Variants in NTS observed in about 807,000 individuals in gnomAD.
NTS encodes the protein neurotensin, also known as neurotensin/neuromedin N.
NTS carries 20 observed loss-of-function variants against 19.5 expected under a neutral mutation model. The observed-to-expected ratio is 1.02, with a 90% CI of 0.72 to 1.49. The LOEUF (loss-of-function observed/expected upper bound fraction) is 1.49. NTS is among the 40% of genes most tolerant of loss of function. The pLI is 0.00. For synonymous variants in NTS, 71 were observed against 63.3 expected (o/e 1.12, Z -0.58); for missense variants, 215 against 193.1 (o/e 1.11, Z -0.67).
chr12:85,875,850 T>C (rs1003484791), intron 1 of NTS, among the ~76,000 whole-genome samples: 1 of 152,050 alleles, frequency 6.6e-6, no homozygotes, highest in African/African-American at 2.4e-5. Context: ...GGCATTTCTT[T>C]TTACTGAGTG....
At position 85,882,384 on chromosome 12, in the gene NTS, A is replaced by G. The variant is rs770177661; in HGVS notation, c.*9A>G. On this transcript the variant is annotated 3_prime_UTR_variant, in exon 4 of 4. Coordinates refer to ENST00000256010, the MANE Select transcript of NTS (RefSeq NM_006183.5). Reference sequence around the variant, plus strand: ...ATTCTTACTATTACTGAGAGAATAAATCATTTATTTACATGTGATTGTGAT... The same window carrying G: ...ATTCTTACTATTACTGAGAGAATAAGTCATTTATTTACATGTGATTGTGAT... 2.0e-5 allele frequency: 30 copies of G among 1,531,396 alleles called. No individual in the cohort carries two copies. Among genetic ancestry groups the G allele is most frequent in the Non-Finnish European group, 2.5e-5 (28 of 1,139,724 alleles). The allele number at this position is 1,531,396 out of a possible 1,614,324, so 94.9% of individuals were successfully genotyped here.
At chr12:85,874,516 C>A (rs1565769109) in intron 1 of NTS, 40 bp downstream of exon 1, 3 of 1,393,114 alleles carry the variant, frequency 2.2e-6, no homozygotes, top group South Asian at 1.2e-5. Context: ...GAAGTGATTT[C>A]TTTTTTCTCT....
chr12:85,880,926 T>C (rs967622122), intron 3 of NTS, among the ~76,000 whole-genome samples: 1 of 152,132 alleles, frequency 6.6e-6, no homozygotes, highest in African/African-American at 2.4e-5. Context: ...CACTCCAGCC[T>C]GGGCGACAGA....
Position 85,882,228 on chromosome 12 carries a change from C to T in NTS, c.366C>T (p.Ile122=), listed in dbSNP as rs763998251. Residue 122 remains isoleucine (I), a synonymous_variant, in exon 4 of 4, where the codon ATC becomes ATT. Transcript: ENST00000256010. ...ATTTTATCTCTATCTTGCAGTTAAT[C>T]CAGGAAGATATTCTTGATACTGGAA... is the stretch of plus-strand genomic sequence containing the variant. The part of the protein sequence containing the change: ...HSRAFQHWEL[I]QEDILDTGND... 6 of 1,590,304 alleles carry T rather than the reference C, an allele frequency of 3.8e-6. No homozygotes were observed. The South Asian group carries it at 6.9e-5, about 18-fold the overall frequency.
chr12:85,880,808 C>T lies in NTS; in HGVS notation c.361-1415C>T, dbSNP rs1242823263. Reference sequence around the variant, plus strand: ...TCTACTAAAAATACAAAAAATTAGCCGGGCGTAGTGGCCGGCGCCTGTAGT... The same window carrying T: ...TCTACTAAAAATACAAAAAATTAGCTGGGCGTAGTGGCCGGCGCCTGTAGT... On this transcript the variant is annotated intron_variant, in intron 3 of 3. Coordinates refer to ENST00000256010, the MANE Select transcript of NTS (RefSeq NM_006183.5). Among the ~76,000 whole-genome samples, 3 of 152,088 alleles carry T rather than the reference C, an allele frequency of 2.0e-5. No homozygotes were observed. In the South Asian group the frequency reaches 6.2e-4, roughly 32 times the overall value.
intron 3 of NTS, among the ~76,000 whole-genome samples, chr12:85,878,788 G>A (rs575699668): frequency 6.6e-6 from 1 of 152,052 alleles, no homozygotes; most frequent in South Asian, 2.1e-4. Flanking sequence ...ATTAAAAAGA[G>A]GATATATCTT....
Position 85,882,234 on chromosome 12 carries a change from A to G in NTS, c.372A>G (p.Glu124=), listed in dbSNP as rs1881517780. The G allele has an allele frequency of 1.9e-6, 3 of 1,594,908 alleles. No individual in the cohort carries two copies. In the African/African-American group the frequency reaches 4.1e-5, roughly 22 times the overall value. The change falls in exon 4 of 4, where the codon GAA becomes GAG. Residue 124 remains glutamate, a synonymous_variant. Coordinates refer to ENST00000256010, the MANE Select transcript of NTS (RefSeq NM_006183.5). ...RAFQHWELIQ[E]DILDTGNDKN... ...TCTCTATCTTGCAGTTAATCCAGGA[A>G]GATATTCTTGATACTGGAAATGACA...
chr12:85,879,911 A>G (rs1183996672), intron 3 of NTS, among the ~76,000 whole-genome samples: 1 of 147,500 alleles, frequency 6.8e-6, no homozygotes, highest in Non-Finnish European at 1.5e-5. Context: ...TTATGTATAT[A>G]AAAATATAGA....
At chr12:85,876,173 T>C (rs56323012) in intron 1 of NTS, among the ~76,000 whole-genome samples, 11,265 of 152,028 alleles carry the variant, frequency 0.074, 589 homozygotes, top group Middle Eastern at 0.22. Flanking sequence ...AGTATCTTTA[T>C]TATTCTAAAA....
chr12:85,878,660 A>G (rs1881402263), intron 3 of NTS, 91 bp downstream of exon 3: 1 of 741,090 alleles, frequency 1.3e-6, no homozygotes, highest in East Asian at 3.0e-5. Flanking sequence ...CATAATCATA[A>G]CAAGAAGAGT....
Position 85,882,456 on chromosome 12 carries a change from G to A in NTS, c.*81G>A. The A allele has an allele frequency of 9.0e-7, 1 of 1,115,608 alleles. No homozygotes were observed. Among genetic ancestry groups the A allele is most frequent in the South Asian group, 1.7e-5 (1 of 59,314 alleles). The allele number at this position is 1,115,608 out of a possible 1,614,324, so 69.1% of individuals were successfully genotyped here. ...TCAAATTATATTTGTGTGAAAATGT[G>A]ACAAACACACTTATCTGTCTCTTCT... On this transcript the variant is annotated 3_prime_UTR_variant, in exon 4 of 4. Transcript: ENST00000256010.
At position 85,879,816 on chromosome 12, in the gene NTS, G is replaced by GTATATTTTATGTATATAAAA. The variant is rs1193360718; in HGVS notation, c.360+1256_360+1275dup. Among the ~76,000 whole-genome samples the GTATATTTTATGTATATAAAA allele has an allele frequency of 7.8e-4, 106 of 135,808 alleles. 2 individuals are homozygous for GTATATTTTATGTATATAAAA. Among genetic ancestry groups the GTATATTTTATGTATATAAAA allele is most frequent in the Non-Finnish European group, 1.3e-3 (81 of 63,704 alleles). 89.1% of individuals were successfully genotyped at this position (135,808 alleles called of 152,430 possible). A position where few individuals can be genotyped will look rare whatever the true frequency, so the allele number is the denominator to read the frequency against. On this transcript the variant is annotated intron_variant, in intron 3 of 3. Coordinates refer to ENST00000256010, the MANE Select transcript of NTS (RefSeq NM_006183.5). ...TTTTGTATATAAAATATATTTTTAT[G>GTATATTTTATGTATATAAAA]TATATTTTATGTATATAAAATATAT...
At chr12:85,879,654 TA>T (rs1881452352) in intron 3 of NTS, among the ~76,000 whole-genome samples, 1 of 129,118 alleles carries the variant, frequency 7.7e-6, no homozygotes, top group Non-Finnish European at 1.6e-5. Context: ...ATATAAAATA[TA>T]TTTTTTGTAT....
chr12:85,880,446 G>T (rs890664318), intron 3 of NTS, among the ~76,000 whole-genome samples: 3 of 152,142 alleles, frequency 2.0e-5, no homozygotes, highest in Admixed American at 2.0e-4. Flanking sequence ...CACTAACATT[G>T]GGGATCTGAG....
chr12:85,881,984 G>C (rs971619115), intron 3 of NTS, among the ~76,000 whole-genome samples: 1 of 151,894 alleles, frequency 6.6e-6, no homozygotes, highest in Non-Finnish European at 1.5e-5. Flanking sequence ...AAAAGAGCTA[G>C]CCTGGTGAAC....
chr12:85,877,631 C>G (rs1221625157), intron 2 of NTS, among the ~76,000 whole-genome samples: 2 of 152,018 alleles, frequency 1.3e-5, no homozygotes, highest in Non-Finnish European at 2.9e-5. Flanking sequence ...CATGCATTAG[C>G]CCTTCCTCCT....
At chr12:85,877,912 A>G (rs1881383259) in intron 2 of NTS, 1 of 152,592 alleles carries the variant, frequency 6.6e-6, no homozygotes, top group Non-Finnish European at 1.5e-5. Flanking sequence ...AATGTGTGGA[A>G]TGCATTACTA....
intron 1 of NTS, among the ~76,000 whole-genome samples, chr12:85,875,129 A>G (rs970587170): frequency 1.3e-5 from 2 of 152,166 alleles, no homozygotes; most frequent in Admixed American, 6.5e-5. Context: ...ACAAAATACA[A>G]TTGGAAAATT....
chr12:85,875,834 A>G (rs2136589105), intron 1 of NTS, among the ~76,000 whole-genome samples: 1 of 152,142 alleles, frequency 6.6e-6, no homozygotes, highest in Admixed American at 6.5e-5. Context: ...TGGGTTCTCC[A>G]ATTGTGGCAT....
Sources: allele counts gnomAD v4.1 joint callset (sites outside exome capture counted in the v4.1 genomes callset), GRCh38; gene constraint gnomAD v4.1.1; transcripts MANE v1.5; gene names NCBI Gene and HGNC (gene_info 2026-07-23, HGNC 2026-07-21).